The following MOSPD2 variants were observed in gnomAD, a reference collection of about 807,000 sequenced individuals.
MOSPD2 encodes motile sperm domain-containing protein 2.
MOSPD2 carries 5 observed loss-of-function variants against 41.7 expected under a neutral mutation model. The observed-to-expected ratio is 0.12, with a 90% CI of 0.06 to 0.25. The LOEUF (loss-of-function observed/expected upper bound fraction) is 0.25. MOSPD2 is among the 10% of genes least tolerant of loss of function. MOSPD2 has a pLI of 1.00. For missense variants in MOSPD2, 282 were observed against 375.2 expected (o/e 0.75, Z 2.05); for synonymous variants, 115 against 126.9 (o/e 0.91, Z 0.63).
At chrX:14,892,903 CTG>C in intron 3 of MOSPD2, 25 bp downstream of exon 3, 1 of 1,115,577 alleles carries the variant, frequency 9.0e-7, no homozygotes, top group Non-Finnish European at 1.2e-6. Flanking sequence ...TTAACCTTGA[CTG>C]TAATATATAC....
Position 14,915,700 on chromosome X carries a change from C to G in MOSPD2, c.1122C>G (p.Val374=). 1 of 1,209,210 alleles carries G rather than the reference C, an allele frequency of 8.3e-7. No homozygotes were observed. The highest frequency in any genetic ancestry group is 1.1e-6 in the Non-Finnish European group (1 of 894,066). The change falls in exon 12 of 15, where the codon GTC becomes GTG. Residue 374 remains valine, a synonymous_variant. Coordinates refer to ENST00000380492, the MANE Select transcript of MOSPD2 (RefSeq NM_152581.4). ...CAACAGCTCCAGAAAAATACAGAGT[C>G]AAGCCAAGCAATAGCAGCTGTGACC... ...VRTTAPEKYR[V]KPSNSSCDPG...
intron 5 of MOSPD2, among the ~76,000 whole-genome samples, 199 bp downstream of exon 5, chrX:14,897,437 C>T (rs779825593): frequency 1.2e-4 from 13 of 111,730 alleles, no homozygotes; most frequent in African/African-American, 3.9e-4. Context: ...CTGTATTTGG[C>T]GTTGAAACTG....
intron 2 of MOSPD2, among the ~76,000 whole-genome samples, chrX:14,881,502 G>A (rs2092531346): frequency 8.9e-6 from 1 of 111,758 alleles, no homozygotes; most frequent in Non-Finnish European, 1.9e-5. Context: ...CTACTGGAGA[G>A]TTTGCCTATG....
intron 2 of MOSPD2, among the ~76,000 whole-genome samples, chrX:14,889,210 C>T (rs886878494): frequency 3.6e-5 from 4 of 111,145 alleles, no homozygotes; most frequent in Non-Finnish European, 1.9e-5. Flanking sequence ...AAAGGCCCTA[C>T]TCTTAATCCT....
At chrX:14,892,413 CGTT>C (rs1291195683) in intron 2 of MOSPD2, among the ~76,000 whole-genome samples, 1 of 111,226 alleles carries the variant, frequency 9.0e-6, no homozygotes, top group African/African-American at 3.3e-5. Flanking sequence ...AGAATTCAGT[CGTT>C]GTCATGAGAA....
chrX:14,893,266 A>C (rs2092557158), intron 3 of MOSPD2: 1 of 116,640 alleles, frequency 8.6e-6, no homozygotes, highest in African/African-American at 3.2e-5. Context: ...CCTTGTGCTA[A>C]TAGGTTAATA....
In MOSPD2 at chrX:14,886,546, C is replaced by CGAGA. The variant is rs138780913; in HGVS notation, c.80-6154_80-6151dup. ...ACACACACACATGCACGCACACACA[C>CGAGA]GAGAGAGAGAGAGAGAGAGAGAGAG... On this transcript the variant is annotated intron_variant, in intron 2 of 14. Coordinates refer to ENST00000380492, the MANE Select transcript of MOSPD2 (RefSeq NM_152581.4). Among the ~76,000 whole-genome samples, 335 of 101,880 alleles carry CGAGA rather than the reference C, an allele frequency of 3.3e-3. 2 individuals carry two copies. The highest frequency in any genetic ancestry group is 8.8e-3 in the African/African-American group (248 of 28,063). 88.5% of individuals were successfully genotyped at this position (101,880 alleles called of 115,157 possible). A position where few individuals can be genotyped will look rare whatever the true frequency, so the allele number is the denominator to read the frequency against.
At chrX:14,910,622 A>G (rs140178568) in intron 8 of MOSPD2, among the ~76,000 whole-genome samples, 1 of 111,663 alleles carries the variant, frequency 9.0e-6, no homozygotes, top group Admixed American at 9.6e-5. Context: ...ACTCCTAGAA[A>G]AAAATCTGTG....
At chrX:14,887,565 G>A (rs1310887108) in intron 2 of MOSPD2, among the ~76,000 whole-genome samples, 2 of 111,471 alleles carry the variant, frequency 1.8e-5, no homozygotes, top group African/African-American at 3.3e-5. Flanking sequence ...TTCTCACATT[G>A]TTAGCCTTAA....
intron 2 of MOSPD2, among the ~76,000 whole-genome samples, chrX:14,887,192 T>C (rs1370576602): frequency 8.9e-6 from 1 of 112,409 alleles, no homozygotes; most frequent in African/African-American, 3.2e-5. Flanking sequence ...GAATATTAAC[T>C]GTTCTCTAGT....
intron 2 of MOSPD2, among the ~76,000 whole-genome samples, chrX:14,879,185 A>T (rs888372561): frequency 8.9e-6 from 1 of 111,809 alleles, no homozygotes; most frequent in African/African-American, 3.2e-5. Flanking sequence ...TAGAATAAAT[A>T]TACCAATTAA....
At chrX:14,908,383 G>A (rs767048394) in intron 7 of MOSPD2, among the ~76,000 whole-genome samples, 24 of 111,962 alleles carry the variant, frequency 2.1e-4, no homozygotes, top group Non-Finnish European at 4.3e-4. Flanking sequence ...AGGAAGGCTG[G>A]ATCCAGCTCA....
chrX:14,910,877 G>A (rs566112034), intron 8 of MOSPD2, among the ~76,000 whole-genome samples: 3 of 110,531 alleles, frequency 2.7e-5, no homozygotes, highest in Admixed American at 9.7e-5. Context: ...CTTTTTCAGT[G>A]TATTCTGTAT....
At chrX:14,887,678 GT>G (rs1221286265) in intron 2 of MOSPD2, among the ~76,000 whole-genome samples, 4 of 109,052 alleles carry the variant, frequency 3.7e-5, no homozygotes, top group African/African-American at 1.4e-4. Context: ...AAGAGCTATA[GT>G]TTCTTTATCT....
intron 7 of MOSPD2, among the ~76,000 whole-genome samples, chrX:14,908,511 G>A (rs185950014): frequency 1.3e-4 from 14 of 111,564 alleles, no homozygotes; most frequent in Admixed American, 1.2e-3. Flanking sequence ...ATACTATTGT[G>A]CAGTTATTTC....
At chrX:14,916,426 G>C in intron 13 of MOSPD2, 100 bp downstream of exon 13, 1 of 1,140,181 alleles carries the variant, frequency 8.8e-7, no homozygotes, top group Non-Finnish European at 1.2e-6. Context: ...TCTTGCATCT[G>C]CTGGGTGCCC....
chrX:14,891,192 T>C (rs1344212487), intron 2 of MOSPD2, among the ~76,000 whole-genome samples: 3 of 112,257 alleles, frequency 2.7e-5, no homozygotes, highest in Non-Finnish European at 3.8e-5. Flanking sequence ...ACCAACCTAA[T>C]ACTTCTGGAC....
chrX:14,892,571 T>C, intron 2 of MOSPD2, 152 bp from the exon 3 acceptor site: 1 of 447,383 alleles, frequency 2.2e-6, no homozygotes, highest in East Asian at 3.7e-5. Context: ...CATCAATCTT[T>C]TAAATGGCGC....
chrX:14,886,546 CGAGAGAGAGA>C (rs138780913), intron 2 of MOSPD2, among the ~76,000 whole-genome samples: 6 of 101,873 alleles, frequency 5.9e-5, no homozygotes, highest in East Asian at 6.1e-4. Context: ...CGCACACACA[CGAGAGAGAGA>C]GAGAGAGAGA....
Sources: gnomAD v4.1 joint callset for allele counts (sites outside exome capture counted in the v4.1 genomes callset) on GRCh38, gnomAD v4.1.1 for gene constraint, MANE v1.5 for transcripts, NCBI Gene and HGNC (gene_info 2026-07-23, HGNC 2026-07-21) for gene names.